SMOC1: variants seen among roughly 807,000 people sequenced by gnomAD.
The protein encoded by SMOC1 is SPARC related modular calcium binding 1, also known as SPARC-related modular calcium-binding protein 1.
A neutral mutation model predicts 56.3 loss-of-function variants in SMOC1; 22 were observed. The observed-to-expected ratio is 0.39, with a 90% confidence interval of 0.28 to 0.56. SMOC1 has a LOEUF of 0.56. Among genes scored for constraint, SMOC1 ranks in the 20% least tolerant of loss-of-function variants. The pLI, the probability that SMOC1 is intolerant of heterozygous loss-of-function variation, is 0.61. For synonymous variants in SMOC1, 193 were observed against 215.0 expected (o/e 0.90, Z 0.89); for missense variants, 509 against 565.4 (o/e 0.90, Z 1.01).
intron 1 of SMOC1, chr14:69,885,496 C>G: frequency 1.2e-6 from 2 of 1,600,138 alleles, no homozygotes; most frequent in South Asian, 2.2e-5. Context: ...CCAGCTTAGC[C>G]AAAGCGCCTT....
chr14:69,951,128 C>T (rs1183439134), intron 1 of SMOC1, among the ~76,000 whole-genome samples: 1 of 152,170 alleles, frequency 6.6e-6, no homozygotes, highest in African/African-American at 2.4e-5. Flanking sequence ...TGGGCTTCCT[C>T]ATAATATGGT....
In SMOC1 at chr14:69,998,484, G is replaced by A. The variant is rs144653029; in HGVS notation, c.664+4004G>A. On this transcript the variant is annotated intron_variant, in intron 7 of 11. Transcript: ENST00000361956. ...ACCAAGGCATTTCTTAATATACCTAGTGTTTAAAATATTTTTTAACCATCT... is the reference window on the plus strand; with the variant it reads ...ACCAAGGCATTTCTTAATATACCTAATGTTTAAAATATTTTTTAACCATCT... Among the ~76,000 whole-genome samples, 264 of 151,390 alleles carry A rather than the reference G, an allele frequency of 1.7e-3. 1 individual carries two copies. Among genetic ancestry groups the A allele is most frequent in the Non-Finnish European group, 1.3e-3 (90 of 67,902 alleles).
At chr14:69,994,310 A>C in intron 6 of SMOC1, 90 bp from the exon 7 acceptor site, 1 of 1,046,042 alleles carries the variant, frequency 9.6e-7, no homozygotes, top group Non-Finnish European at 1.5e-6. Flanking sequence ...TCAGACTTTG[A>C]AAAATGACTA....
At chr14:69,926,134 CAG>C (rs1885005060) in intron 1 of SMOC1, among the ~76,000 whole-genome samples, 1 of 151,918 alleles carries the variant, frequency 6.6e-6, no homozygotes, top group South Asian at 2.1e-4. Context: ...GTCCAGGGAA[CAG>C]ACACAAATTA....
chr14:69,968,571 A>T (rs1368966485), intron 3 of SMOC1, among the ~76,000 whole-genome samples: 1 of 152,224 alleles, frequency 6.6e-6, no homozygotes, highest in Non-Finnish European at 1.5e-5. Flanking sequence ...CTGCTCTGAC[A>T]TGAAGCCATC....
chr14:69,992,529 A>T (rs1884602187), intron 6 of SMOC1, 56 bp downstream of exon 6: 1 of 1,337,602 alleles, frequency 7.5e-7, no homozygotes, highest in Non-Finnish European at 1.1e-6. Flanking sequence ...CAGGTTTGGG[A>T]AAAGTCTTAA....
intron 7 of SMOC1, among the ~76,000 whole-genome samples, chr14:70,003,983 C>A (rs1207214410): frequency 6.6e-6 from 1 of 152,060 alleles, no homozygotes; most frequent in African/African-American, 2.4e-5. Flanking sequence ...TCTTCCTGGG[C>A]CCTAATCTCA....
intron 1 of SMOC1, among the ~76,000 whole-genome samples, chr14:69,882,391 C>T (rs183083041): frequency 3.9e-5 from 6 of 152,306 alleles, no homozygotes; most frequent in African/African-American, 1.4e-4. Flanking sequence ...TTGAGCTCCC[C>T]CGAGGCCTAG....
intron 7 of SMOC1, among the ~76,000 whole-genome samples, chr14:70,008,690 G>A (rs1885228205): frequency 6.6e-6 from 1 of 152,182 alleles, no homozygotes; most frequent in South Asian, 2.1e-4. Flanking sequence ...TCTGATTTAT[G>A]GCTTTAGAAG....
intron 1 of SMOC1, among the ~76,000 whole-genome samples, chr14:69,937,770 A>G (rs915763151): frequency 1.3e-5 from 2 of 152,180 alleles, no homozygotes; most frequent in Non-Finnish European, 2.9e-5. Flanking sequence ...GCACACATGC[A>G]TGCTCACATG....
intron 1 of SMOC1, among the ~76,000 whole-genome samples, chr14:69,903,446 G>GT (rs1453589560): frequency 6.6e-6 from 1 of 152,248 alleles, no homozygotes; most frequent in African/African-American, 2.4e-5. Context: ...GACGATGGCG[G>GT]TTTTGTCGAA....
intron 1 of SMOC1, among the ~76,000 whole-genome samples, chr14:69,943,509 G>A (rs61980656): frequency 0.081 from 12,259 of 152,244 alleles, 648 homozygotes; most frequent in African/African-American, 0.15. Flanking sequence ...CCATTCCCAA[G>A]GATGCAGGCC....
At chr14:69,911,669 C>T (rs960833626) in intron 1 of SMOC1, among the ~76,000 whole-genome samples, 4 of 152,182 alleles carry the variant, frequency 2.6e-5, no homozygotes, top group Non-Finnish European at 5.9e-5. Flanking sequence ...CATCCATGTT[C>T]TTGCATATAT....
chr14:69,928,618 G>T (rs776028293), intron 1 of SMOC1, among the ~76,000 whole-genome samples: 4,535 of 150,688 alleles, frequency 0.03, 75 homozygotes, highest in African/African-American at 0.044. Flanking sequence ...TGCTCATTGG[G>T]GGGGGGGTCC....
intron 5 of SMOC1, among the ~76,000 whole-genome samples, chr14:69,980,483 C>T (rs1365833174): frequency 6.6e-6 from 1 of 152,218 alleles, no homozygotes; most frequent in Admixed American, 6.5e-5. Context: ...GTTGGATCCT[C>T]TTCTCTTTGT....
At position 70,011,476 on chromosome 14, in the gene SMOC1, T is replaced by A; in HGVS notation, c.858-9T>A. The A allele has an allele frequency of 7.4e-7, 1 of 1,356,510 alleles. No individual in the cohort carries two copies. The highest frequency in any genetic ancestry group is 1.0e-6 in the Non-Finnish European group (1 of 974,612). The allele number at this position is 1,356,510 out of a possible 1,614,324, so 84.0% of individuals were successfully genotyped here. ...CCTCCCAACCCCCCCCATATCTCTC[T>A]TTTCCCAGCTACGTGATGCCCAGTT... is the stretch of plus-strand genomic sequence containing the variant. On this transcript the variant is annotated splice_polypyrimidine_tract_variant and intron_variant, in intron 8 of 11. Coordinates refer to ENST00000361956, the MANE Select transcript of SMOC1 (RefSeq NM_001034852.3).
rs1224284362 is a variant in SMOC1, at chr14:69,961,268, T to TTG, written c.378+7740_378+7741dup. Among the ~76,000 whole-genome samples the TTG allele has an allele frequency of 5.6e-3, 505 of 89,706 alleles. 35 individuals are homozygous for TTG. The highest frequency in any genetic ancestry group is 0.02 in the African/African-American group (394 of 19,496). 58.9% of individuals were successfully genotyped at this position (89,706 alleles called of 152,430 possible). A position where few individuals can be genotyped will look rare whatever the true frequency, so the allele number is the denominator to read the frequency against. On this transcript the variant is annotated intron_variant, in intron 3 of 11. Coordinates refer to ENST00000361956, the MANE Select transcript of SMOC1 (RefSeq NM_001034852.3). ...CTTTTTATTGTCAAGCAATATTCTA[T>TTG]TGTGTATATATATATATATATATAT...
At chr14:69,962,249 G>A (rs1883410084) in intron 3 of SMOC1, among the ~76,000 whole-genome samples, 1 of 151,954 alleles carries the variant, frequency 6.6e-6, no homozygotes, top group Admixed American at 6.6e-5. Flanking sequence ...TGCAACCTCT[G>A]CCTCCTGCAT....
chr14:69,930,586 G>A (rs895426372), intron 1 of SMOC1, among the ~76,000 whole-genome samples: 7 of 152,200 alleles, frequency 4.6e-5, no homozygotes, highest in African/African-American at 1.7e-4. Context: ...CTGGGCTGGG[G>A]TTTTAGGAGT....
Sources: allele counts gnomAD v4.1 joint callset (sites outside exome capture counted in the v4.1 genomes callset), GRCh38; gene constraint gnomAD v4.1.1; transcripts MANE v1.5; gene names NCBI Gene and HGNC (gene_info 2026-07-23, HGNC 2026-07-21).